The following DRC11 variants were observed in gnomAD, a reference collection of about 807,000 sequenced individuals.
The protein encoded by DRC11 is dynein regulatory complex subunit 11.
At chr2:236,484,692 C>A in the DRC11 span, among the ~76,000 whole-genome samples, 1 of 151,728 alleles carries the variant, frequency 6.6e-6, no homozygotes, top group East Asian at 1.9e-4. Context: ...CTTAGAAAGG[C>A]GGGCAATGAA....
the DRC11 span, among the ~76,000 whole-genome samples, chr2:236,312,320 T>C: frequency 6.6e-6 from 1 of 151,944 alleles, no homozygotes; most frequent in Non-Finnish European, 1.5e-5. Context: ...CTAATTTCTT[T>C]TAATTTACAT....
At chr2:236,330,108 T>C in the DRC11 span, among the ~76,000 whole-genome samples, 1 of 152,226 alleles carries the variant, frequency 6.6e-6, no homozygotes, top group Non-Finnish European at 1.5e-5. The surrounding 1 kb of genome is among the most constrained non-coding windows in gnomAD (Gnocchi z 5.5). Context: ...GAGGATAATA[T>C]CAGCAATTAT....
At chr2:236,432,317 T>A in the DRC11 span, among the ~76,000 whole-genome samples, 3 of 152,210 alleles carry the variant, frequency 2.0e-5, no homozygotes, top group Non-Finnish European at 4.4e-5. Context: ...ATTTTCTGGC[T>A]GTAAGTCCTT....
the DRC11 span, among the ~76,000 whole-genome samples, chr2:236,310,065 C>A: frequency 6.6e-6 from 1 of 152,192 alleles, no homozygotes; most frequent in African/African-American, 2.4e-5. This position sits in a 1 kb window ranked among gnomAD's most constrained non-coding sequence, Gnocchi z 5.5. Context: ...CCACCTTCCT[C>A]ACAAAGAAAA....
the DRC11 span, among the ~76,000 whole-genome samples, chr2:236,342,050 C>A: frequency 3.9e-5 from 6 of 152,306 alleles, no homozygotes; most frequent in East Asian, 1.2e-3. The surrounding 1 kb of genome is among the most constrained non-coding windows in gnomAD (Gnocchi z 5.8). Flanking sequence ...TCGCCATGCC[C>A]CAATCCCCGG....
At chr2:236,359,532 T>A in the DRC11 span, among the ~76,000 whole-genome samples, 1 of 152,154 alleles carries the variant, frequency 6.6e-6, no homozygotes, top group African/African-American at 2.4e-5. This position sits in a 1 kb window ranked among gnomAD's most constrained non-coding sequence, Gnocchi z 4.3. Context: ...ACAGGACTTC[T>A]CTCTAGGAAG....
the DRC11 span, among the ~76,000 whole-genome samples, chr2:236,445,908 C>A: frequency 2.0e-5 from 3 of 152,122 alleles, no homozygotes; most frequent in African/African-American, 7.2e-5. This position sits in a 1 kb window ranked among gnomAD's most constrained non-coding sequence, Gnocchi z 4.8. Context: ...TCTGTCCCTC[C>A]CGTGGGTGGC....
chr2:236,497,264 C>G, the DRC11 span: 1 of 1,613,814 alleles, frequency 6.2e-7, no homozygotes, highest in Non-Finnish European at 8.5e-7. This position sits in a 1 kb window ranked among gnomAD's most constrained non-coding sequence, Gnocchi z 5.1. Context: ...CGGCCCATCA[C>G]CCCGTCCAGG....
At chr2:236,384,912 T>A in the DRC11 span, among the ~76,000 whole-genome samples, 479 of 151,802 alleles carry the variant, frequency 3.2e-3, 2 homozygotes, top group Non-Finnish European at 5.4e-3. Context: ...ATTTATTAAA[T>A]AGGGAATCCT....
At chr2:236,455,293 G>A in the DRC11 span, among the ~76,000 whole-genome samples, 1 of 152,236 alleles carries the variant, frequency 6.6e-6, no homozygotes, top group Non-Finnish European at 1.5e-5. This position sits in a 1 kb window ranked among gnomAD's most constrained non-coding sequence, Gnocchi z 5.7. Flanking sequence ...CGCCTATTAT[G>A]AGCCATGAGC....
the DRC11 span, among the ~76,000 whole-genome samples, chr2:236,371,257 G>A: frequency 1.3e-5 from 2 of 152,144 alleles, no homozygotes; most frequent in African/African-American, 4.8e-5. The surrounding 1 kb of genome is among the most constrained non-coding windows in gnomAD (Gnocchi z 5.1). Context: ...CTGGAGCAAC[G>A]GAATAGGCAA....
At chr2:236,328,182 G>C in the DRC11 span, among the ~76,000 whole-genome samples, 3 of 151,960 alleles carry the variant, frequency 2.0e-5, no homozygotes, top group African/African-American at 7.3e-5. This position sits in a 1 kb window ranked among gnomAD's most constrained non-coding sequence, Gnocchi z 6.7. Context: ...TTTTTATTAT[G>C]AACTCATCTT....
At chr2:236,434,205 G>A in the DRC11 span, among the ~76,000 whole-genome samples, 1 of 152,164 alleles carries the variant, frequency 6.6e-6, no homozygotes, top group African/African-American at 2.4e-5. The surrounding 1 kb of genome is among the most constrained non-coding windows in gnomAD (Gnocchi z 5.5). Context: ...AGACTGATCT[G>A]TGTCTTTTTT....
chr2:236,333,613 C>T, the DRC11 span, among the ~76,000 whole-genome samples: 3 of 152,092 alleles, frequency 2.0e-5, no homozygotes, highest in Admixed American at 6.6e-5. The surrounding 1 kb of genome is among the most constrained non-coding windows in gnomAD (Gnocchi z 6.0). Context: ...GTTCTGGGCA[C>T]GCATGAGCAA....
the DRC11 span, among the ~76,000 whole-genome samples, chr2:236,397,274 C>T: frequency 6.6e-6 from 1 of 152,344 alleles, no homozygotes; most frequent in Non-Finnish European, 1.5e-5. The surrounding 1 kb of genome is among the most constrained non-coding windows in gnomAD (Gnocchi z 5.0). Context: ...CAGGCTTCTG[C>T]TCTCTGGCTC....
chr2:236,445,034 A>T, the DRC11 span, among the ~76,000 whole-genome samples: 1 of 152,328 alleles, frequency 6.6e-6, no homozygotes, highest in Admixed American at 6.5e-5. This position sits in a 1 kb window ranked among gnomAD's most constrained non-coding sequence, Gnocchi z 4.8. Context: ...CTTAGAGAGA[A>T]ACCATGAATA....
chr2:236,358,301 T>TG, the DRC11 span, among the ~76,000 whole-genome samples: 2 of 131,022 alleles, frequency 1.5e-5, no homozygotes, highest in African/African-American at 6.3e-5. Context: ...TGAATATATA[T>TG]AATATATAGA....
At chr2:236,349,957 G>A in the DRC11 span, among the ~76,000 whole-genome samples, 2 of 152,190 alleles carry the variant, frequency 1.3e-5, no homozygotes, top group African/African-American at 4.8e-5. This position sits in a 1 kb window ranked among gnomAD's most constrained non-coding sequence, Gnocchi z 5.5. Flanking sequence ...CACTTCTCGC[G>A]ATGTCCACGT....
the DRC11 span, among the ~76,000 whole-genome samples, chr2:236,309,854 G>T: frequency 6.6e-6 from 1 of 152,200 alleles, no homozygotes; most frequent in African/African-American, 2.4e-5. The surrounding 1 kb of genome is among the most constrained non-coding windows in gnomAD (Gnocchi z 5.7). Flanking sequence ...AGGACGGAGG[G>T]ATGTTTCCAG....
Sources: gnomAD v4.1 joint callset for allele counts (sites outside exome capture counted in the v4.1 genomes callset) on GRCh38, gnomAD v4.1.1 for gene constraint, Gnocchi (gnomAD v3.1) non-coding constraint, MANE v1.5 for transcripts, NCBI Gene and HGNC (gene_info 2026-07-23, HGNC 2026-07-21) for gene names.